Variants in ANO5 observed in about 807,000 individuals in gnomAD.
ANO5 encodes anoctamin-5.
Under a neutral mutation model 121.0 loss-of-function variants are expected in ANO5, and 109 were observed. The ratio of observed to expected loss-of-function variants is 0.90; its 90% confidence interval spans 0.77 to 1.06. ANO5 has a LOEUF of 1.06. ANO5 is among the 50% of genes least tolerant of loss of function. The pLI, the probability that ANO5 is intolerant of heterozygous loss-of-function variation, is 0.00. For synonymous variants in ANO5, 406 were observed against 359.9 expected, an observed-to-expected ratio of 1.13 and a Z score of -1.45; for missense variants, 1,064 against 1,078.5, an observed-to-expected ratio of 0.99 and a Z score of 0.19.
At chr11:22,211,705 A>C (rs569888372) in intron 3 of ANO5, among the ~76,000 whole-genome samples, 2 of 151,932 alleles carry the variant, frequency 1.3e-5, no homozygotes, top group African/African-American at 4.8e-5. Flanking sequence ...CTTTAAGTAC[A>C]TGCCTGAGGA....
At chr11:22,229,996 G>A (rs1306636659) in intron 7 of ANO5, among the ~76,000 whole-genome samples, 1 of 151,834 alleles carries the variant, frequency 6.6e-6, no homozygotes, top group East Asian at 1.9e-4. Flanking sequence ...CAACAATCAT[G>A]GCATCTGAGC....
Position 22,274,755 on chromosome 11 carries a change from G to T in ANO5, c.2414+8G>T. 2 of 1,610,044 alleles carry T rather than the reference G, an allele frequency of 1.2e-6. No individual in the cohort carries two copies. The highest frequency in any genetic ancestry group is 8.5e-7 in the Non-Finnish European group (1 of 1,177,642). On this transcript the variant is annotated splice_region_variant and intron_variant, in intron 20 of 21. Transcript: ENST00000324559. The stretch of plus-strand genomic sequence containing the variant: ...AGACTTCATCACTTGCAGGTGATTT[G>T]TTTGTTTGTTTGTTTAGGTTTTAGT...
chr11:22,204,581 G>T (rs1852055490), intron 2 of ANO5, among the ~76,000 whole-genome samples: 1 of 152,054 alleles, frequency 6.6e-6, no homozygotes, highest in South Asian at 2.1e-4. Context: ...GAATAGGTTG[G>T]CTATTTGCTA....
chr11:22,201,841 C>T (rs1417475880), intron 1 of ANO5, among the ~76,000 whole-genome samples: 1 of 152,138 alleles, frequency 6.6e-6, no homozygotes, highest in Non-Finnish European at 1.5e-5. Flanking sequence ...AAGGGCCTAC[C>T]TCTCAACATT....
chr11:22,235,856 C>G lies in ANO5; in HGVS notation c.649-307C>G, dbSNP rs76220294. ...TGACATTAGTATCCTACTTGAAGCCCTAATTATAGTAGAAATTCTGGCACA... is the reference window on the plus strand; with the variant it reads ...TGACATTAGTATCCTACTTGAAGCCGTAATTATAGTAGAAATTCTGGCACA... On this transcript the variant is annotated intron_variant, in intron 7 of 21. Coordinates refer to ENST00000324559, the MANE Select transcript of ANO5 (RefSeq NM_213599.3). 9.6e-4 allele frequency among the ~76,000 whole-genome samples: 146 copies of G among 152,180 alleles called. 1 individual carries two copies. In the East Asian group the frequency reaches 0.024, roughly 25 times the overall value.
At chr11:22,256,099 T>C (rs1244432666) in intron 13 of ANO5, among the ~76,000 whole-genome samples, 3 of 152,188 alleles carry the variant, frequency 2.0e-5, no homozygotes, top group Admixed American at 6.6e-5. Context: ...AGTCTACATA[T>C]TAGAATGCTT....
Position 22,275,763 on chromosome 11 carries a change from G to C in ANO5, c.2415-331G>C, listed in dbSNP as rs1210838994. On this transcript the variant is annotated intron_variant, in intron 20 of 21. Coordinates refer to ENST00000324559, the MANE Select transcript of ANO5 (RefSeq NM_213599.3). ...CCTGCAGTTTAAGGATAGGAGAGAA[G>C]GAAAGGACTGGGAGTGTTAAGGAAG... 1.4e-4 allele frequency among the ~76,000 whole-genome samples: 21 copies of C among 151,758 alleles called. 1 individual carries two copies. The highest frequency in any genetic ancestry group is 3.1e-4 in the Non-Finnish European group (21 of 67,754).
intron 4 of ANO5, 116 bp downstream of exon 4, chr11:22,218,403 TC>T: frequency 7.4e-7 from 1 of 1,343,876 alleles, no homozygotes; most frequent in Non-Finnish European, 1.1e-6. Context: ...TAATTCCTAG[TC>T]CCCAGGCAAC....
intron 7 of ANO5, among the ~76,000 whole-genome samples, chr11:22,234,327 A>T (rs1031596048): frequency 2.0e-5 from 3 of 152,084 alleles, no homozygotes; most frequent in African/African-American, 7.2e-5. Context: ...TCCCTTCTTA[A>T]AATGAGTTAT....
At chr11:22,265,732 A>G (rs1854337010) in intron 17 of ANO5, among the ~76,000 whole-genome samples, 1 of 152,136 alleles carries the variant, frequency 6.6e-6, no homozygotes, top group African/African-American at 2.4e-5. Flanking sequence ...GGTATAGACA[A>G]GTGGATTCTA....
chr11:22,263,695 C>T (rs1242010429), intron 17 of ANO5, among the ~76,000 whole-genome samples: 1 of 152,166 alleles, frequency 6.6e-6, no homozygotes, highest in Non-Finnish European at 1.5e-5. Context: ...TCCTTCAGGG[C>T]TCCTAGTTAG....
chr11:22,257,942 G>A (rs1220000679), intron 14 of ANO5, among the ~76,000 whole-genome samples, 188 bp downstream of exon 14: 1 of 151,938 alleles, frequency 6.6e-6, no homozygotes, highest in Non-Finnish European at 1.5e-5. Flanking sequence ...TTAAACTTTG[G>A]GAAAAGATCT....
At position 22,274,728 on chromosome 11, in the gene ANO5, C is replaced by T. The variant is rs762874007; in HGVS notation, c.2395C>T (p.Arg799Ter). ...AAACCACACTGCACCTTCGGAAAAA[C>T]GAGACTTCATCACTTGCAGGTGATT... Reference protein sequence around the residue: ...FPNHTAPSEKRDFITCRYRDY... With the variant: ...FPNHTAPSEK The change falls in exon 20 of 22, where the codon CGA (arginine) becomes TGA (stop). Residue 799 changes from arginine to a stop codon, truncating the protein, a stop_gained. Transcript: ENST00000324559. LOFTEE classifies it high-confidence loss of function. The T allele has an allele frequency of 8.7e-6, 14 of 1,613,364 alleles. No individual in the cohort carries two copies. Among genetic ancestry groups the T allele is most frequent in the Middle Eastern group, 1.7e-4 (1 of 6,060 alleles).
At chr11:22,217,583 TA>T (rs559350689) in intron 3 of ANO5, among the ~76,000 whole-genome samples, 154 of 150,322 alleles carry the variant, frequency 1.0e-3, no homozygotes, top group Non-Finnish European at 1.9e-3. Context: ...TGTTTTCCTT[TA>T]TTATTATTAT....
At chr11:22,193,631 G>A (rs1851720807) in intron 1 of ANO5, 99 bp downstream of exon 1, 3 of 1,443,740 alleles carry the variant, frequency 2.1e-6, no homozygotes, top group Non-Finnish European at 2.8e-6. Context: ...GCGGCCCTGC[G>A]GCCTGAGTCC....
chr11:22,253,730 A>G (rs1336265831), intron 12 of ANO5, among the ~76,000 whole-genome samples: 1 of 152,170 alleles, frequency 6.6e-6, no homozygotes, highest in Non-Finnish European at 1.5e-5. Flanking sequence ...GAAAGTTACA[A>G]TCTAATTGGG....
chr11:22,195,095 T>C (rs993639509), intron 1 of ANO5, among the ~76,000 whole-genome samples: 4 of 152,204 alleles, frequency 2.6e-5, no homozygotes. Flanking sequence ...CTAACACTTG[T>C]TATTGTCTTT....
chr11:22,236,195 C>A lies in ANO5; in HGVS notation c.681C>A (p.Gly227=). The change falls in exon 8 of 22, where the codon GGC becomes GGA. Residue 227 remains glycine (G), a synonymous_variant. Coordinates refer to ENST00000324559, the MANE Select transcript of ANO5 (RefSeq NM_213599.3). ...VYYILSRCPF[G]IEDGKKRFGI... is the part of the protein sequence containing the mutation. ...ATATTCTCTCAAGATGTCCTTTTGG[C>A]ATAGAAGATGGGAAGAAAAGGTTTG... 6.2e-7 allele frequency: 1 copy of A among 1,613,136 alleles called. No homozygotes were observed. Among genetic ancestry groups the A allele is most frequent in the Non-Finnish European group, 8.5e-7 (1 of 1,179,372 alleles).
At position 22,227,400 on chromosome 11, in the gene ANO5, G is replaced by A. The variant is rs1590246084; in HGVS notation, c.462G>A (p.Lys154=). The change falls in exon 7 of 22, where the codon AAG becomes AAA. Residue 154 remains lysine, a synonymous_variant. Transcript: ENST00000324559. ...AEVLGIKMPI[K]ESDIPRPKHT... ...TCTTGGGAATCAAAATGCCTATTAA[G>A]GAGAGTGATATTCCCCGCCCTAAGC... 5.0e-6 allele frequency: 8 copies of A among 1,613,358 alleles called. No homozygotes were observed. The East Asian group carries it at 1.8e-4, about 36-fold the overall frequency.
Sources: allele counts gnomAD v4.1 joint callset (sites outside exome capture counted in the v4.1 genomes callset), GRCh38; gene constraint gnomAD v4.1.1; transcripts MANE v1.5; gene names NCBI Gene and HGNC (gene_info 2026-07-23, HGNC 2026-07-21).